Variants in PCCA observed in about 807,000 individuals in gnomAD.
The protein encoded by PCCA is propionyl-CoA carboxylase alpha chain, mitochondrial.
In PCCA, 74 loss-of-function variants were observed where a neutral mutation model predicts 101.3. That is an observed-to-expected ratio of 0.73 (90% confidence interval 0.61 to 0.89). The LOEUF (loss-of-function observed/expected upper bound fraction) is 0.89, where lower values mean the gene tolerates loss of function less well. Among genes scored for constraint, PCCA ranks in the 40% least tolerant of loss-of-function variants. The pLI is 0.00. For missense variants in PCCA, 891 were observed against 907.0 expected, an observed-to-expected ratio of 0.98 and a Z score of 0.23; for synonymous variants, 294 against 313.6, an observed-to-expected ratio of 0.94 and a Z score of 0.66.
rs1287798855 is a variant in PCCA at position 100,262,757 on chromosome 13, G to T, written c.745G>T (p.Ala249Ser). 2.6e-6 allele frequency: 4 copies of T among 1,550,526 alleles called. No individual in the cohort carries two copies. Among genetic ancestry groups the T allele is most frequent in the Non-Finnish European group, 3.5e-6 (4 of 1,136,200 alleles). Residue 249 changes from alanine (A) to serine (S), a missense_variant, in exon 10 of 24, where the codon GCT becomes TCT. Ala to Ser is a moderately conservative substitution (Grantham distance 99). Transcript: ENST00000376285. ...TGGTTTTAGATTGTCATCTCAAGAA[G>T]CTGCTTCTAGTTTTGGCGATGATAG... ...RDGFRLSSQE[A>S]ASSFGDDRLL...
At chr13:100,462,579 A>G (rs1275116758) in intron 21 of PCCA, among the ~76,000 whole-genome samples, 2 of 152,238 alleles carry the variant, frequency 1.3e-5, no homozygotes, top group African/African-American at 2.4e-5. Flanking sequence ...GATAAACAGT[A>G]CAGTCCATAG....
chr13:100,401,044 C>T (rs2077332943), intron 19 of PCCA, among the ~76,000 whole-genome samples: 1 of 152,028 alleles, frequency 6.6e-6, no homozygotes, highest in Non-Finnish European at 1.5e-5. Context: ...TGATCTTTGA[C>T]TAAGGAGAGG....
At chr13:100,348,737 TTTC>T (rs1178506160) in intron 18 of PCCA, among the ~76,000 whole-genome samples, 905 of 59,780 alleles carry the variant, frequency 0.015, 18 homozygotes, top group African/African-American at 0.063. Context: ...CCTTTCTTTC[TTTC>T]TTTCTTTCTT....
intron 19 of PCCA, among the ~76,000 whole-genome samples, chr13:100,387,137 C>G (rs1485650901): frequency 6.6e-6 from 1 of 152,166 alleles, no homozygotes; most frequent in East Asian, 1.9e-4. Flanking sequence ...AATTCTTTGG[C>G]TAGCACTTCC....
intron 16 of PCCA, among the ~76,000 whole-genome samples, chr13:100,324,716 T>C (rs73575473): frequency 0.034 from 5,230 of 152,266 alleles, 318 homozygotes; most frequent in African/African-American, 0.12. Context: ...TAGTACATAC[T>C]GTACTACTGT....
At chr13:100,272,483 T>A (rs756307126) in intron 11 of PCCA, among the ~76,000 whole-genome samples, 1 of 152,110 alleles carries the variant, frequency 6.6e-6, no homozygotes, top group Non-Finnish European at 1.5e-5. Context: ...CTCCAGACAG[T>A]ACTTCATGGC....
At chr13:100,129,989 A>G (rs902805626) in intron 4 of PCCA, among the ~76,000 whole-genome samples, 2 of 152,028 alleles carry the variant, frequency 1.3e-5, no homozygotes, top group East Asian at 1.9e-4. Context: ...TCTGGGTTTT[A>G]TTGTCATTGT....
intron 19 of PCCA, among the ~76,000 whole-genome samples, chr13:100,402,115 T>C (rs1217465020): frequency 6.6e-6 from 1 of 152,212 alleles, no homozygotes; most frequent in African/African-American, 2.4e-5. Context: ...ATAACTGTAA[T>C]CTGCTATTGT....
intron 7 of PCCA, among the ~76,000 whole-genome samples, chr13:100,222,573 G>GTAGAT (rs2059887097): frequency 6.6e-6 from 1 of 152,236 alleles, no homozygotes; most frequent in Admixed American, 6.5e-5. Context: ...GAGTATCTAT[G>GTAGAT]CAGATAGAAG....
chr13:100,097,423 A>G (rs1421092809), intron 1 of PCCA, among the ~76,000 whole-genome samples: 1 of 151,922 alleles, frequency 6.6e-6, no homozygotes, highest in Non-Finnish European at 1.5e-5. Context: ...ATCTCAATTA[A>G]AAAATAAAAG....
At chr13:100,255,771 A>T (rs2062033905) in intron 8 of PCCA, among the ~76,000 whole-genome samples, 1 of 152,180 alleles carries the variant, frequency 6.6e-6, no homozygotes, top group African/African-American at 2.4e-5. Context: ...CTCATGCAGG[A>T]TTAAAACTCG....
chr13:100,495,152 G>A (rs1170814494), intron 21 of PCCA, among the ~76,000 whole-genome samples: 4 of 151,904 alleles, frequency 2.6e-5, no homozygotes, highest in East Asian at 1.9e-4. Context: ...CCCGCTAACC[G>A]TCCCACCCAA....
chr13:100,453,483 A>C (rs111514831), intron 21 of PCCA, among the ~76,000 whole-genome samples: 1,390 of 132,636 alleles, frequency 0.01, 23 homozygotes, highest in African/African-American at 0.046. Context: ...AGTTTAAAAA[A>C]AAAAAAAGAA....
Position 100,155,617 on chromosome 13 carries a change from T to C in PCCA, c.414+525T>C, listed in dbSNP as rs73570959. Among the ~76,000 whole-genome samples the C allele has an allele frequency of 9.7e-3, 1,479 of 152,316 alleles. 20 individuals carry two copies. The highest frequency in any genetic ancestry group is 0.033 in the African/African-American group (1,352 of 41,574). On this transcript the variant is annotated intron_variant, in intron 5 of 23. Transcript: ENST00000376285. Reference sequence around the variant, plus strand: ...CTCTCCACCCCCAGTTCTGTTTGAATAGAGTGGAATCCAAGGAAAAAAATG... The same window carrying C: ...CTCTCCACCCCCAGTTCTGTTTGAACAGAGTGGAATCCAAGGAAAAAAATG...
At chr13:100,320,570 C>G (rs546955603) in intron 16 of PCCA, among the ~76,000 whole-genome samples, 4 of 152,306 alleles carry the variant, frequency 2.6e-5, no homozygotes, top group South Asian at 2.1e-4. Flanking sequence ...TTTTCTGCAT[C>G]TATTGAGATA....
chr13:100,301,419 C>A, intron 12 of PCCA, 41 bp from the exon 13 acceptor site: 3 of 1,609,768 alleles, frequency 1.9e-6, no homozygotes, highest in Non-Finnish European at 2.5e-6. Flanking sequence ...ATTTATTTAC[C>A]CTTTTCTACA....
In PCCA at chr13:100,407,817, T is replaced by C. The variant is rs1387355342; in HGVS notation, c.1747-17816T>C. Among the ~76,000 whole-genome samples, 3 of 152,344 alleles carry C rather than the reference T, an allele frequency of 2.0e-5. No homozygotes were observed. The East Asian group carries it at 5.8e-4, about 29-fold the overall frequency. The stretch of plus-strand genomic sequence containing the variant: ...GTAAATCTATTTCCAGTAGTCTTAA[T>C]TACATGTTATAATAGTAACTCCTAG... On this transcript the variant is annotated intron_variant, in intron 19 of 23. Transcript: ENST00000376285.
chr13:100,343,283 G>A (rs2152759537), intron 18 of PCCA, among the ~76,000 whole-genome samples: 1 of 151,906 alleles, frequency 6.6e-6, no homozygotes, highest in East Asian at 2.0e-4. Flanking sequence ...ATAAATGAAT[G>A]GCACATAAGT....
At chr13:100,499,113 G>T (rs1458714502) in intron 21 of PCCA, among the ~76,000 whole-genome samples, 2 of 152,186 alleles carry the variant, frequency 1.3e-5, no homozygotes, top group African/African-American at 4.8e-5. Context: ...CTATGGGCGT[G>T]TGCAGTCAAC....
Sources: gnomAD v4.1 joint callset for allele counts (sites outside exome capture counted in the v4.1 genomes callset) on GRCh38, gnomAD v4.1.1 for gene constraint, MANE v1.5 for transcripts, NCBI Gene and HGNC (gene_info 2026-07-23, HGNC 2026-07-21) for gene names.